The following OGT variants were observed in gnomAD, a reference collection of about 807,000 sequenced individuals.
The protein encoded by OGT is O-linked N-acetylglucosamine (GlcNAc) transferase, also known as UDP-N-acetylglucosamine--peptide N-acetylglucosaminyltransferase 110 kDa subunit.
In OGT, 3 loss-of-function variants were observed where a neutral mutation model predicts 75.8. That is an observed-to-expected ratio of 0.04 (90% CI 0.02 to 0.10). The LOEUF (loss-of-function observed/expected upper bound fraction) is 0.10, where lower values mean the gene tolerates loss of function less well. Among genes scored for constraint, OGT ranks in the 10% least tolerant of loss-of-function variants. OGT has a pLI of 1.00. For missense variants in OGT, 260 were observed against 824.4 expected, an observed-to-expected ratio of 0.32 and a Z score of 8.38; for synonymous variants, 257 against 289.7, an observed-to-expected ratio of 0.89 and a Z score of 1.15.
At position 71,563,265 on chromosome X, in the gene OGT, T is replaced by C. The variant is rs1479124150; in HGVS notation, c.2265+19T>C. On this transcript the variant is annotated intron_variant, in intron 17 of 21. Transcript: ENST00000373719. Reference sequence around the variant, plus strand: ...TGTCAAGGTCAGAACCTAGTCAGTATTGTCATTGAAATAAAGTTAACTGCA... The same window carrying C: ...TGTCAAGGTCAGAACCTAGTCAGTACTGTCATTGAAATAAAGTTAACTGCA... 8 of 1,199,890 alleles carry C rather than the reference T, an allele frequency of 6.7e-6. No individual in the cohort carries two copies. Among genetic ancestry groups the C allele is most frequent in the Non-Finnish European group, 7.9e-6 (7 of 885,475 alleles).
intron 1 of OGT, chrX:71,534,452 G>C (rs1449472351): frequency 1.8e-5 from 2 of 110,945 alleles, no homozygotes; most frequent in African/African-American, 6.6e-5. Flanking sequence ...TTGGGCGGAA[G>C]GGGGTGGGGA....
rs2147668165 is a variant in OGT, at chrX:71,537,955, A to C, written c.345A>C (p.Ala115=). 1 of 1,211,980 alleles carries C rather than the reference A, an allele frequency of 8.3e-7. No individual in the cohort carries two copies. Among genetic ancestry groups the C allele is most frequent in the Non-Finnish European group, 1.1e-6 (1 of 895,573 alleles). The change falls in exon 3 of 22, where the codon GCA becomes GCC. Residue 115 remains alanine (A), a synonymous_variant. Coordinates refer to ENST00000373719, the MANE Select transcript of OGT (RefSeq NM_181672.3). ...LQEAIEHYRH[A]LRLKPDFIDG... ...AGGCAATTGAGCATTATCGACATGC[A>C]TTGCGTCTCAAACCTGATTTCATCG...
intron 1 of OGT, among the ~76,000 whole-genome samples, chrX:71,535,110 C>T (rs1206900647): frequency 1.8e-5 from 2 of 108,352 alleles, no homozygotes; most frequent in Non-Finnish European, 3.8e-5. Context: ...TAAGTATTTA[C>T]AGTTGTGACA....
intron 4 of OGT, chrX:71,546,999 G>A: frequency 1.3e-6 from 1 of 754,862 alleles, no homozygotes; most frequent in Non-Finnish European, 1.6e-6. Flanking sequence ...AATGGATCTG[G>A]TTGGCCGTTT....
At chrX:71,568,176 A>C in intron 21 of OGT, 60 bp downstream of exon 21, 1 of 1,008,360 alleles carries the variant, frequency 9.9e-7, no homozygotes, top group Non-Finnish European at 1.3e-6. Flanking sequence ...TAGCTGTTAT[A>C]AAATGAAACC....
intron 19 of OGT, among the ~76,000 whole-genome samples, chrX:71,565,943 T>C (rs1039592842): frequency 2.7e-5 from 3 of 112,774 alleles, no homozygotes; most frequent in African/African-American, 9.7e-5. Context: ...TGTAGAGTTA[T>C]AACCAAGAAG....
At chrX:71,560,874 T>A (rs1021660451) in intron 14 of OGT, among the ~76,000 whole-genome samples, 1 of 111,083 alleles carries the variant, frequency 9.0e-6, no homozygotes, top group Non-Finnish European at 1.9e-5. Flanking sequence ...TTGTCAATAC[T>A]TTAACTCACC....
Position 71,557,042 on chromosome X carries a change from G to A in OGT, c.1257G>A (p.Thr419=), listed in dbSNP as rs1182662606. Residue 419 remains threonine, a synonymous_variant, in exon 10 of 22, where the codon ACG becomes ACA. Coordinates refer to ENST00000373719, the MANE Select transcript of OGT (RefSeq NM_181672.3). ...TTCAGGGAGCCTTGCAGTGTTATAC[G>A]CGTGCCATCCAAATTAATCCTGCAT... ...QDVQGALQCY[T]RAIQINPAFA... The A allele has an allele frequency of 5.0e-6, 6 of 1,208,626 alleles. No homozygotes were observed. In the East Asian group the frequency reaches 8.9e-5, roughly 18 times the overall value.
At chrX:71,561,277 A>G (rs909618385) in intron 14 of OGT, among the ~76,000 whole-genome samples, 3 of 110,277 alleles carry the variant, frequency 2.7e-5, no homozygotes, top group Non-Finnish European at 3.8e-5. Flanking sequence ...TTCTTCATTC[A>G]TACTGTTCTC....
intron 14 of OGT, among the ~76,000 whole-genome samples, chrX:71,559,997 T>C (rs1299558873): frequency 9.1e-6 from 1 of 110,324 alleles, no homozygotes; most frequent in Non-Finnish European, 1.9e-5. Context: ...TTAAAGAAAA[T>C]AGGGCCGGGT....
chrX:71,560,275 C>CAAA (rs764918597), intron 14 of OGT, among the ~76,000 whole-genome samples: 16 of 45,806 alleles, frequency 3.5e-4, no homozygotes, highest in Non-Finnish European at 6.6e-4. Flanking sequence ...GACTCTGTCT[C>CAAA]AAAAAAAAAA....
chrX:71,552,058 GA>G (rs1218877356), intron 5 of OGT, among the ~76,000 whole-genome samples: 1 of 101,788 alleles, frequency 9.8e-6, no homozygotes. Flanking sequence ...AAATACAAAA[GA>G]AAAAAAAAAC....
In OGT at chrX:71,555,852, A is replaced by G. The variant is rs6525488; in HGVS notation, c.925-102A>G. The G allele has an allele frequency of 0.16, 150,747 of 971,808 alleles. 11,687 individuals are homozygous for G. The highest frequency in any genetic ancestry group is 0.44 in the East Asian group (14,102 of 31,893). The allele number at this position is 971,808 out of a possible 1,213,427, so 80.1% of individuals were successfully genotyped here. On this transcript the variant is annotated intron_variant, in intron 7 of 21. Transcript: ENST00000373719. The stretch of plus-strand genomic sequence containing the variant: ...ATACCAAAAAATATCAATTTTCTGT[A>G]GCATTACCAGCCATTAGGCTTAATT...
rs745324052 is a variant in OGT at position 71,574,716 on chromosome X, T to A, written c.*922T>A. On this transcript the variant is annotated 3_prime_UTR_variant, in exon 22 of 22. Transcript: ENST00000373719. ...GCCCCTTCTATGCTGCTTCCAAAAG[T>A]GATAGTGTGTGTAAGATTTTTACCT... 1 of 107,851 alleles carries A rather than the reference T, an allele frequency of 9.3e-6. No homozygotes were observed. The highest frequency in any genetic ancestry group is 1.9e-5 in the Non-Finnish European group (1 of 52,046). 8.9% of individuals were successfully genotyped at this position (107,851 alleles called of 1,213,427 possible).
chrX:71,565,920 A>G (rs764529786), intron 19 of OGT, among the ~76,000 whole-genome samples: 49 of 112,679 alleles, frequency 4.3e-4, no homozygotes, highest in African/African-American at 1.5e-3. Context: ...CATTTTTAAC[A>G]TTCTTGTAGT....
intron 14 of OGT, among the ~76,000 whole-genome samples, chrX:71,561,250 C>T (rs1476277101): frequency 9.0e-6 from 1 of 110,584 alleles, no homozygotes; most frequent in African/African-American, 3.3e-5. Context: ...TCTAAACTCC[C>T]TCACACTTTA....
chrX:71,539,570 T>A lies in OGT; in HGVS notation c.462+1498T>A, dbSNP rs766132751. Among the ~76,000 whole-genome samples the A allele has an allele frequency of 3.6e-5, 4 of 112,023 alleles. No homozygotes were observed. In the South Asian group the frequency reaches 1.5e-3, roughly 42 times the overall value. On this transcript the variant is annotated intron_variant, in intron 3 of 21. Transcript: ENST00000373719. Reference sequence around the variant, plus strand: ...GGAGGTAGCAAATGAAACTAATTTCTTGTCTATCTTTTCTGAGACACTCAG... The same window carrying A: ...GGAGGTAGCAAATGAAACTAATTTCATGTCTATCTTTTCTGAGACACTCAG...
intron 19 of OGT, among the ~76,000 whole-genome samples, chrX:71,565,643 C>G (rs932839468): frequency 2.7e-5 from 3 of 112,232 alleles, no homozygotes; most frequent in Non-Finnish European, 5.6e-5. Context: ...TCAAAGCATT[C>G]TTCTGTCTAA....
At chrX:71,547,312 G>A (rs973881778) in intron 4 of OGT, 2 of 734,842 alleles carry the variant, frequency 2.7e-6, no homozygotes, top group African/African-American at 4.7e-5. Flanking sequence ...GTGTTTCATA[G>A]TATTCTAATA....
Sources: gnomAD v4.1 joint callset for allele counts (sites outside exome capture counted in the v4.1 genomes callset) on GRCh38, gnomAD v4.1.1 for gene constraint, MANE v1.5 for transcripts, NCBI Gene and HGNC (gene_info 2026-07-23, HGNC 2026-07-21) for gene names.